The following PRR16 variants were observed in gnomAD, a reference collection of about 807,000 sequenced individuals.
PRR16 encodes the protein proline rich 16.
PRR16 carries 6 observed loss-of-function variants against 18.2 expected under a neutral mutation model. The observed-to-expected ratio is 0.33, with a 90% CI of 0.18 to 0.65. The LOEUF is 0.65. Among genes scored for constraint, PRR16 ranks in the 30% least tolerant of loss-of-function variants. PRR16 has a pLI of 0.74. For missense variants in PRR16, 412 were observed against 376.6 expected (o/e 1.09, Z -0.78); for synonymous variants, 151 against 147.8 (o/e 1.02, Z -0.16).
intron 1 of PRR16, among the ~76,000 whole-genome samples, chr5:120,468,733 G>A (rs1218756347): frequency 6.6e-6 from 1 of 152,162 alleles, no homozygotes; most frequent in Non-Finnish European, 1.5e-5. Flanking sequence ...GAGTGACACT[G>A]GAATCTGTAA....
At chr5:120,464,856 AGT>A (rs1749023917) in intron 1 of PRR16, among the ~76,000 whole-genome samples, 1 of 151,970 alleles carries the variant, frequency 6.6e-6, no homozygotes, top group African/African-American at 2.4e-5. Context: ...GAAATCAACT[AGT>A]GTTTTAATCG....
intron 1 of PRR16, among the ~76,000 whole-genome samples, chr5:120,611,682 C>T (rs965410830): frequency 7.9e-5 from 12 of 152,166 alleles, no homozygotes; most frequent in African/African-American, 2.4e-4. Flanking sequence ...AGAAGATGTA[C>T]GGGAATGTCT....
At chr5:120,654,298 CTTTTA>C (rs986184185) in intron 1 of PRR16, among the ~76,000 whole-genome samples, 17 of 151,952 alleles carry the variant, frequency 1.1e-4, no homozygotes, top group African/African-American at 4.1e-4. Context: ...ATTCAAGCTC[CTTTTA>C]TTTTGAGTAT....
intron 1 of PRR16, among the ~76,000 whole-genome samples, chr5:120,485,511 A>C (rs967952396): frequency 2.0e-5 from 3 of 152,200 alleles, no homozygotes; most frequent in Admixed American, 6.5e-5. Flanking sequence ...TTGTTCTTGC[A>C]ATGTATTTGC....
At chr5:120,761,367 C>G in the PRR16 span, among the ~76,000 whole-genome samples, 1 of 151,940 alleles carries the variant, frequency 6.6e-6, no homozygotes, top group Non-Finnish European at 1.5e-5. Context: ...GAATCTTGCC[C>G]AGATAAGGAT....
chr5:120,512,874 C>T (rs1443729264), intron 1 of PRR16, among the ~76,000 whole-genome samples: 2 of 152,082 alleles, frequency 1.3e-5, no homozygotes, highest in Admixed American at 6.6e-5. Flanking sequence ...GACAGCATGA[C>T]GTGGTCAGGA....
At chr5:120,670,417 A>T (rs1756558364) in intron 1 of PRR16, among the ~76,000 whole-genome samples, 1 of 152,096 alleles carries the variant, frequency 6.6e-6, no homozygotes, top group Non-Finnish European at 1.5e-5. Context: ...AATGACCATT[A>T]TATTTATGAT....
chr5:120,780,378 T>C, the PRR16 span, among the ~76,000 whole-genome samples: 1 of 152,166 alleles, frequency 6.6e-6, no homozygotes, highest in Non-Finnish European at 1.5e-5. Context: ...TACACTTAAT[T>C]ATAAGAAGCT....
At chr5:120,637,566 A>G (rs1755278817) in intron 1 of PRR16, among the ~76,000 whole-genome samples, 1 of 152,120 alleles carries the variant, frequency 6.6e-6, no homozygotes, top group South Asian at 2.1e-4. Context: ...AAAATCAAAC[A>G]TGTTCTCACT....
At chr5:120,714,975 C>T in the PRR16 span, among the ~76,000 whole-genome samples, 1 of 152,012 alleles carries the variant, frequency 6.6e-6, no homozygotes, top group South Asian at 2.1e-4. Context: ...ACAACACACA[C>T]CAGGGCCTGT....
chr5:120,706,752 A>G, the PRR16 span, among the ~76,000 whole-genome samples: 1 of 152,224 alleles, frequency 6.6e-6, no homozygotes, highest in Non-Finnish European at 1.5e-5. Flanking sequence ...TTTTATTCAA[A>G]TTGTTTCAAG....
the PRR16 span, among the ~76,000 whole-genome samples, chr5:120,696,786 T>C: frequency 1.3e-5 from 2 of 152,168 alleles, no homozygotes; most frequent in Admixed American, 6.5e-5. Flanking sequence ...TTAAGAAATA[T>C]ACACTCAACA....
At chr5:120,548,915 T>G (rs990065559) in intron 1 of PRR16, among the ~76,000 whole-genome samples, 1 of 151,890 alleles carries the variant, frequency 6.6e-6, no homozygotes, top group Non-Finnish European at 1.5e-5. Context: ...GCTGAAAACA[T>G]TGAGACATGC....
the PRR16 span, among the ~76,000 whole-genome samples, chr5:120,789,590 GA>G: frequency 6.6e-6 from 1 of 151,936 alleles, no homozygotes; most frequent in African/African-American, 2.4e-5. Flanking sequence ...TATTTCAAAT[GA>G]AAGATCTACC....
chr5:120,747,159 C>T, the PRR16 span, among the ~76,000 whole-genome samples: 1 of 152,030 alleles, frequency 6.6e-6, no homozygotes, highest in East Asian at 1.9e-4. Context: ...AAACCCCAAA[C>T]ATATTTTTTC....
the PRR16 span, among the ~76,000 whole-genome samples, chr5:120,752,619 A>T: frequency 1.3e-5 from 2 of 152,082 alleles, no homozygotes; most frequent in Non-Finnish European, 2.9e-5. Context: ...ACCAACAATT[A>T]TTAACTTCTA....
chr5:120,654,642 A>G (rs1271684612), intron 1 of PRR16, among the ~76,000 whole-genome samples: 3 of 151,982 alleles, frequency 2.0e-5, no homozygotes, highest in African/African-American at 7.2e-5. Context: ...GAGAAAAGGT[A>G]AACCTCAAAT....
intron 1 of PRR16, among the ~76,000 whole-genome samples, chr5:120,523,964 C>T (rs1363821419): frequency 6.6e-6 from 1 of 152,092 alleles, no homozygotes; most frequent in African/African-American, 2.4e-5. Flanking sequence ...TCACAAGGGT[C>T]AATGTGGTAC....
At chr5:120,552,980 A>T (rs1029303473) in intron 1 of PRR16, among the ~76,000 whole-genome samples, 2 of 151,890 alleles carry the variant, frequency 1.3e-5, no homozygotes. Context: ...AACCCTCTGG[A>T]TGACATAGTT....
Sources: allele counts gnomAD v4.1 joint callset (sites outside exome capture counted in the v4.1 genomes callset), GRCh38; gene constraint gnomAD v4.1.1; transcripts MANE v1.5; gene names NCBI Gene and HGNC (gene_info 2026-07-23, HGNC 2026-07-21).